Variants in CHIA observed in about 807,000 individuals in gnomAD.
CHIA encodes the protein acidic mammalian chitinase.
CHIA carries 47 observed loss-of-function variants against 53.5 expected under a neutral mutation model. The ratio of observed to expected loss-of-function variants is 0.88; its 90% confidence interval spans 0.70 to 1.12. CHIA has a LOEUF of 1.12. Among genes scored for constraint, CHIA ranks in the 50% most tolerant of loss-of-function variants. The pLI, the probability that CHIA is intolerant of heterozygous loss-of-function variation, is 0.00. For synonymous variants in CHIA, 268 were observed against 222.2 expected, an observed-to-expected ratio of 1.21 and a Z score of -1.83; for missense variants, 652 against 592.2, an observed-to-expected ratio of 1.10 and a Z score of -1.05.
chr1:111,319,543 CCA>C lies in CHIA; in HGVS notation c.1177+77_1177+78del, dbSNP rs999435788. ...CTCAAAAAGCAACCCTGATGTCTTC[CCA>C]CCTCCCCCTTGCCCAGGGATCCTCT... On this transcript the variant is annotated intron_variant, in intron 11 of 11. Transcript: ENST00000369740. 1.3e-5 allele frequency: 18 copies of C among 1,393,516 alleles called. No individual in the cohort carries two copies. The African/African-American group carries it at 2.4e-4, about 19-fold the overall frequency. 86.3% of individuals were successfully genotyped at this position (1,393,516 alleles called of 1,614,324 possible).
chr1:111,298,257 G>T (rs937663208), intron 1 of CHIA, among the ~76,000 whole-genome samples: 2 of 151,766 alleles, frequency 1.3e-5, no homozygotes, highest in Non-Finnish European at 1.5e-5. Context: ...ATAGACATCT[G>T]CAGAACTCTC....
intron 6 of CHIA, chr1:111,316,288 GT>G (rs1417015093): frequency 6.4e-6 from 1 of 156,796 alleles, no homozygotes; most frequent in Admixed American, 6.3e-5. Context: ...CAATGGGACT[GT>G]TTTGAAGAAT....
rs1648569560 is a variant in CHIA, at chr1:111,310,438, A to G, written c.-30A>G. 6.2e-7 allele frequency: 1 copy of G among 1,612,938 alleles called. No individual in the cohort carries two copies. Among genetic ancestry groups the G allele is most frequent in the South Asian group, 1.1e-5 (1 of 90,888 alleles). Reference sequence around the variant, plus strand: ...AACCACAGAATCAGAACATATAAAAAGCTCTGCGGGACTGGTGCTGACTGC... The same window carrying G: ...AACCACAGAATCAGAACATATAAAAGGCTCTGCGGGACTGGTGCTGACTGC... On this transcript the variant is annotated 5_prime_UTR_variant, in exon 2 of 12. Coordinates refer to ENST00000369740, the MANE Select transcript of CHIA (RefSeq NM_201653.4).
intron 6 of CHIA, 35 bp from the exon 7 acceptor site, chr1:111,317,646 T>C (rs201890023): frequency 6.2e-7 from 1 of 1,613,138 alleles, no homozygotes; most frequent in African/African-American, 1.3e-5. Context: ...AAAATCAGCA[T>C]CATAGATGTC....
intron 1 of CHIA, among the ~76,000 whole-genome samples, chr1:111,298,666 C>T (rs1031381964): frequency 6.6e-6 from 1 of 152,058 alleles, no homozygotes; most frequent in African/African-American, 2.4e-5. Context: ...CCTAACATCA[C>T]AATTAAAAGA....
intron 1 of CHIA, among the ~76,000 whole-genome samples, chr1:111,293,226 C>T (rs1661132119): frequency 6.6e-6 from 1 of 152,148 alleles, no homozygotes; most frequent in South Asian, 2.1e-4. Context: ...CCAATTTTTC[C>T]ACATCCTTGT....
At chr1:111,293,261 T>A (rs1661135719) in intron 1 of CHIA, among the ~76,000 whole-genome samples, 1 of 152,204 alleles carries the variant, frequency 6.6e-6, no homozygotes, top group African/African-American at 2.4e-5. Flanking sequence ...TTCTGTTTTT[T>A]GATAGTAGCC....
chr1:111,302,370 T>A (rs1055861650), intron 1 of CHIA, among the ~76,000 whole-genome samples: 1 of 152,162 alleles, frequency 6.6e-6, no homozygotes, highest in Non-Finnish European at 1.5e-5. Context: ...TTTTCTTGTT[T>A]TTCAGTGTGA....
intron 1 of CHIA, among the ~76,000 whole-genome samples, chr1:111,305,891 GA>G (rs1291874062): frequency 1.3e-5 from 2 of 152,188 alleles, no homozygotes; most frequent in African/African-American, 4.8e-5. Flanking sequence ...CATGTTTAGT[GA>G]TATTGCTGGA....
chr1:111,317,264 C>T, intron 6 of CHIA: 1 of 179,290 alleles, frequency 5.6e-6, no homozygotes, highest in Non-Finnish European at 1.2e-5. Context: ...CCTTATTGGC[C>T]AATACACCAT....
intron 1 of CHIA, among the ~76,000 whole-genome samples, chr1:111,302,776 A>G (rs1647863436): frequency 6.6e-6 from 1 of 151,990 alleles, no homozygotes; most frequent in South Asian, 2.1e-4. Flanking sequence ...TTGGTTTATT[A>G]TGTTGTTTAG....
At chr1:111,305,819 G>T (rs1160441726) in intron 1 of CHIA, among the ~76,000 whole-genome samples, 1 of 152,050 alleles carries the variant, frequency 6.6e-6, no homozygotes, top group Non-Finnish European at 1.5e-5. Flanking sequence ...AAAGAAAGCT[G>T]CCATTATTCT....
chr1:111,294,087 A>C (rs1175596593), intron 1 of CHIA, among the ~76,000 whole-genome samples: 1 of 152,164 alleles, frequency 6.6e-6, no homozygotes, highest in Non-Finnish European at 1.5e-5. Flanking sequence ...GTCTCAAAAA[A>C]CAATGACAAC....
intron 6 of CHIA, chr1:111,316,179 G>C (rs528266384): frequency 1.2e-3 from 215 of 182,982 alleles, no homozygotes; most frequent in Admixed American, 2.0e-3. Flanking sequence ...ACAGATAAGT[G>C]TGAGCAAGTG....
At chr1:111,292,207 G>T (rs1263625831) in intron 1 of CHIA, among the ~76,000 whole-genome samples, 1 of 152,134 alleles carries the variant, frequency 6.6e-6, no homozygotes, top group Non-Finnish European at 1.5e-5. Flanking sequence ...CCCAGTGCTA[G>T]GTAGGTTATC....
At chr1:111,302,643 G>A (rs920491615) in intron 1 of CHIA, among the ~76,000 whole-genome samples, 2 of 152,110 alleles carry the variant, frequency 1.3e-5, no homozygotes, top group Non-Finnish European at 2.9e-5. Flanking sequence ...TTTTAAATCT[G>A]TTGAGACTTA....
chr1:111,319,261 T>C (rs1649444406), intron 10 of CHIA, 22 bp downstream of exon 10: 1 of 1,614,174 alleles, frequency 6.2e-7, no homozygotes. Flanking sequence ...CCCTTAAATG[T>C]GCTGAGGTCC....
chr1:111,314,949 A>G, intron 5 of CHIA: 1 of 388,112 alleles, frequency 2.6e-6, no homozygotes, highest in East Asian at 4.7e-5. Context: ...AAAATCACAC[A>G]AATAAACAAG....
intron 1 of CHIA, among the ~76,000 whole-genome samples, chr1:111,304,923 T>C (rs969708837): frequency 5.9e-5 from 9 of 152,034 alleles, no homozygotes; most frequent in Non-Finnish European, 1.2e-4. Context: ...TGGTTTCTTG[T>C]CTTTTTTGTA....
Sources: gnomAD v4.1 joint callset for allele counts (sites outside exome capture counted in the v4.1 genomes callset) on GRCh38, gnomAD v4.1.1 for gene constraint, MANE v1.5 for transcripts, NCBI Gene and HGNC (gene_info 2026-07-23, HGNC 2026-07-21) for gene names.